ZHX3: variants seen among roughly 807,000 people sequenced by gnomAD.
ZHX3 encodes zinc fingers and homeoboxes protein 3.
In ZHX3, 20 loss-of-function variants were observed where a neutral mutation model predicts 64.5. The ratio of observed to expected loss-of-function variants is 0.31; its 90% CI spans 0.22 to 0.45. The LOEUF is 0.45. Ranked by LOEUF, ZHX3 falls within the 20% of genes least tolerant of loss-of-function variation. The pLI, the probability that ZHX3 is intolerant of heterozygous loss-of-function variation, is 1.00. For synonymous variants in ZHX3, 423 were observed against 461.6 expected, an observed-to-expected ratio of 0.92 and a Z score of 1.07; for missense variants, 1,041 against 1,195.8, an observed-to-expected ratio of 0.87 and a Z score of 1.91.
chr20:41,306,047 A>T (rs1051478481), intron 1 of ZHX3, among the ~76,000 whole-genome samples: 1 of 152,190 alleles, frequency 6.6e-6, no homozygotes, highest in Non-Finnish European at 1.5e-5. Context: ...TTTCTGAAAT[A>T]AAGCCAATAT....
chr20:41,274,741 T>C (rs1329177189), intron 1 of ZHX3, among the ~76,000 whole-genome samples: 1 of 152,232 alleles, frequency 6.6e-6, no homozygotes, highest in Non-Finnish European at 1.5e-5. Flanking sequence ...GGGGCAGTGA[T>C]TGCCTCAGTA....
At chr20:41,288,945 A>C (rs1399191879) in intron 1 of ZHX3, among the ~76,000 whole-genome samples, 1 of 143,022 alleles carries the variant, frequency 7.0e-6, no homozygotes, top group Non-Finnish European at 1.5e-5. Flanking sequence ...GAAACTTTTT[A>C]GAAGAATCAG....
Position 41,204,218 on chromosome 20 carries a change from G to A in ZHX3, c.699C>T (p.Ile233=). 4 of 1,612,962 alleles carry A rather than the reference G, an allele frequency of 2.5e-6. No individual in the cohort carries two copies. Among genetic ancestry groups the A allele is most frequent in the Non-Finnish European group, 3.4e-6 (4 of 1,179,454 alleles). ...CCTGGCTGACTGGAACTGCCCCATT[G>A]ATGAAGGAATGGTCCCCCTCTCTCA... ...MEVREGDHSF[I]NGAVPVSQAS... The change falls in exon 3 of 4, where the codon ATC becomes ATT. Residue 233 remains isoleucine, a synonymous_variant. Coordinates refer to ENST00000683867, the MANE Select transcript of ZHX3 (RefSeq NM_001384317.1). The surrounding 1 kb of genome is among the most constrained non-coding windows in gnomAD (Gnocchi z 6.6).
intron 1 of ZHX3, among the ~76,000 whole-genome samples, chr20:41,298,671 G>A (rs1012942808): frequency 2.6e-5 from 4 of 152,208 alleles, no homozygotes; most frequent in Non-Finnish European, 5.9e-5. Context: ...TCAGCCAGGA[G>A]TAAGTTTAGT....
intron 3 of ZHX3, among the ~76,000 whole-genome samples, chr20:41,191,451 T>C (rs1479838216): frequency 1.3e-5 from 2 of 152,224 alleles, no homozygotes; most frequent in African/African-American, 2.4e-5. Flanking sequence ...TTACATCTCA[T>C]TGAGCTTCCT....
chr20:41,210,012 G>A (rs752109519), intron 2 of ZHX3, among the ~76,000 whole-genome samples: 1 of 151,864 alleles, frequency 6.6e-6, no homozygotes, highest in Non-Finnish European at 1.5e-5. Context: ...AAACATCAAA[G>A]AACCCCATCA....
chr20:41,272,782 T>G (rs1003161086), intron 1 of ZHX3, among the ~76,000 whole-genome samples: 1 of 152,200 alleles, frequency 6.6e-6, no homozygotes, highest in South Asian at 2.1e-4. Flanking sequence ...CATTCATTGA[T>G]AGACATTTGG....
rs2039798375 is a variant in ZHX3 at position 41,219,566 on chromosome 20, TAA to T, written c.-150-14502_-150-14501del. 6.6e-6 allele frequency among the ~76,000 whole-genome samples: 1 copy of T among 152,248 alleles called. No homozygotes were observed. ...CACCAAAAACAACAAAACCTTCCTA[TAA>T]GTTTTATTTGCTAAATTTGTTTTTT... On this transcript the variant is annotated intron_variant, in intron 2 of 3. Transcript: ENST00000683867. The surrounding 1 kb of genome is among the most constrained non-coding windows in gnomAD (Gnocchi z 5.0).
intron 1 of ZHX3, among the ~76,000 whole-genome samples, chr20:41,311,087 C>T (rs552982196): frequency 1.2e-4 from 19 of 152,224 alleles, no homozygotes; most frequent in African/African-American, 3.6e-4. Flanking sequence ...GGATTACAGG[C>T]GTGAGCCACC....
intron 1 of ZHX3, among the ~76,000 whole-genome samples, chr20:41,286,467 A>C (rs2043940000): frequency 6.6e-6 from 1 of 152,212 alleles, no homozygotes; most frequent in Non-Finnish European, 1.5e-5. Context: ...GCTGCTGTCG[A>C]AAAGTCTTCT....
At position 41,178,586 on chromosome 20, in the gene ZHX3, T is replaced by C. The variant is rs1209398274; in HGVS notation, c.*6605A>G. 3 of 152,694 alleles carry C rather than the reference T, an allele frequency of 2.0e-5. No homozygotes were observed. Among genetic ancestry groups the C allele is most frequent in the African/African-American group, 7.2e-5 (3 of 41,468 alleles). 9.5% of individuals were successfully genotyped at this position (152,694 alleles called of 1,614,324 possible). A position where few individuals can be genotyped will look rare whatever the true frequency, so the allele number is the denominator to read the frequency against. On this transcript the variant is annotated 3_prime_UTR_variant, in exon 4 of 4. Coordinates refer to ENST00000683867, the MANE Select transcript of ZHX3 (RefSeq NM_001384317.1). ...CCACAGATACAAAATCTAGGAAATG[T>C]GCAATTTGCATCTTAGAAATAGCAG...
chr20:41,294,250 A>G (rs1272308517), intron 1 of ZHX3, among the ~76,000 whole-genome samples: 2 of 152,220 alleles, frequency 1.3e-5, no homozygotes, highest in Non-Finnish European at 2.9e-5. Flanking sequence ...AGCTGACAAC[A>G]AAATTTTTAA....
intron 1 of ZHX3, among the ~76,000 whole-genome samples, chr20:41,273,100 T>C (rs1253999908): frequency 2.6e-5 from 4 of 152,204 alleles, no homozygotes; most frequent in East Asian, 1.9e-4. Context: ...TGGTATATCA[T>C]TGTGGCTTTG....
intron 2 of ZHX3, among the ~76,000 whole-genome samples, chr20:41,241,241 G>A (rs2041360201): frequency 6.6e-6 from 1 of 152,080 alleles, no homozygotes; most frequent in African/African-American, 2.4e-5. Flanking sequence ...TTGTAGTTTT[G>A]ATTTGCATTT....
intron 2 of ZHX3, among the ~76,000 whole-genome samples, chr20:41,249,744 C>A (rs2041896435): frequency 6.6e-6 from 1 of 152,188 alleles, no homozygotes; most frequent in Non-Finnish European, 1.5e-5. Flanking sequence ...CTCCCCACCT[C>A]CTTGTAAGCA....
chr20:41,246,409 T>C (rs1189345712), intron 2 of ZHX3, among the ~76,000 whole-genome samples: 1 of 152,222 alleles, frequency 6.6e-6, no homozygotes, highest in Non-Finnish European at 1.5e-5. Flanking sequence ...TATTTAAGCA[T>C]ACTCACTCAC....
rs1171781260 is a variant in ZHX3 at position 41,181,105 on chromosome 20, G to A, written c.*4086C>T. The A allele has an allele frequency of 1.3e-5, 2 of 152,318 alleles. No individual in the cohort carries two copies. Among genetic ancestry groups the A allele is most frequent in the Non-Finnish European group, 2.9e-5 (2 of 68,150 alleles). 9.4% of individuals were successfully genotyped at this position (152,318 alleles called of 1,614,324 possible). A position where few individuals can be genotyped will look rare whatever the true frequency, so the allele number is the denominator to read the frequency against. On this transcript the variant is annotated 3_prime_UTR_variant, in exon 4 of 4. Transcript: ENST00000683867. ...GAGAGGTCTGTGCTCTCAGGTAAAA[G>A]GAGAGAAGGAAGCTGGGTCAAGAGA...
chr20:41,202,349 T>C lies in ZHX3; in HGVS notation c.2568A>G (p.Thr856=), dbSNP rs2038298096. 2 of 1,614,050 alleles carry C rather than the reference T, an allele frequency of 1.2e-6. No individual in the cohort carries two copies. The highest frequency in any genetic ancestry group is 1.7e-6 in the Non-Finnish European group (2 of 1,180,042). Residue 856 remains threonine, a synonymous_variant, in exon 3 of 4, where the codon ACA becomes ACG. Coordinates refer to ENST00000683867, the MANE Select transcript of ZHX3 (RefSeq NM_001384317.1). The surrounding 1 kb of genome is among the most constrained non-coding windows in gnomAD (Gnocchi z 7.0). Reference sequence around the variant, plus strand: ...GGTCCTCTTCATACAGCATCTTGTGTGTCATGTAATAGTCCTGCAGGAGCT... The same window carrying C: ...GGTCCTCTTCATACAGCATCTTGTGCGTCATGTAATAGTCCTGCAGGAGCT... ...NRELLQDYYM[T]HKMLYEEDLQ... is the part of the protein sequence containing the mutation.
intron 2 of ZHX3, among the ~76,000 whole-genome samples, chr20:41,252,848 A>G (rs898465011): frequency 7.2e-5 from 11 of 152,210 alleles, no homozygotes; most frequent in Non-Finnish European, 1.5e-4. Context: ...GAACCCCATT[A>G]AAGTCAAAAC....
Sources: gnomAD v4.1 joint callset for allele counts (sites outside exome capture counted in the v4.1 genomes callset) on GRCh38, gnomAD v4.1.1 for gene constraint, Gnocchi (gnomAD v3.1) non-coding constraint, MANE v1.5 for transcripts, NCBI Gene and HGNC (gene_info 2026-07-23, HGNC 2026-07-21) for gene names.